KIF5C: variants seen among roughly 807,000 people sequenced by gnomAD.
The protein encoded by KIF5C is kinesin family member 5C, also known as kinesin heavy chain isoform 5C.
Under a neutral mutation model 125.2 loss-of-function variants are expected in KIF5C, and 18 were observed. That is an observed-to-expected ratio of 0.14 (90% CI 0.10 to 0.21). The LOEUF (loss-of-function observed/expected upper bound fraction) is 0.21, where lower values mean the gene tolerates loss of function less well. KIF5C is among the 10% of genes least tolerant of loss of function. The pLI, the probability that KIF5C is intolerant of heterozygous loss-of-function variation, is 1.00. For synonymous variants in KIF5C, 405 were observed against 434.0 expected (o/e 0.93, Z 0.83); for missense variants, 780 against 1,183.8 (o/e 0.66, Z 5.01).
chr2:148,994,968 C>G (rs958812725), intron 17 of KIF5C, among the ~76,000 whole-genome samples: 1 of 152,016 alleles, frequency 6.6e-6, no homozygotes, highest in African/African-American at 2.4e-5. Context: ...CCCAAAAGTA[C>G]AAGAGTCAGC....
At chr2:148,899,932 A>T (rs917858276) in intron 1 of KIF5C, among the ~76,000 whole-genome samples, 1 of 152,096 alleles carries the variant, frequency 6.6e-6, no homozygotes, top group Non-Finnish European at 1.5e-5. Context: ...ATGATTTCAG[A>T]TCTCATGGAA....
At chr2:148,891,597 C>G (rs1272854127) in intron 1 of KIF5C, among the ~76,000 whole-genome samples, 1 of 152,164 alleles carries the variant, frequency 6.6e-6, no homozygotes, top group Non-Finnish European at 1.5e-5. Flanking sequence ...AAGTCATATT[C>G]TTCCTCGCTT....
In KIF5C at chr2:148,876,242, G is replaced by C. The variant is rs1681185973; in HGVS notation, c.126+499G>C. Among the ~76,000 whole-genome samples the C allele has an allele frequency of 6.6e-6, 1 of 151,990 alleles. No homozygotes were observed. Among genetic ancestry groups the C allele is most frequent in the Non-Finnish European group, 1.5e-5 (1 of 67,876 alleles). ...GGGGTACAGGAAAATTTCTAGTCGC[G>C]TCTCGGAGCTCCCGCGGCAGTGTAG... On this transcript the variant is annotated intron_variant, in intron 1 of 25. Coordinates refer to ENST00000435030, the MANE Select transcript of KIF5C (RefSeq NM_004522.3). This position sits in a 1 kb window ranked among gnomAD's most constrained non-coding sequence, Gnocchi z 4.7.
intron 11 of KIF5C, among the ~76,000 whole-genome samples, chr2:148,963,440 A>C (rs575640420): frequency 5.3e-5 from 8 of 152,342 alleles, no homozygotes; most frequent in African/African-American, 1.9e-4. Context: ...GTTTAATAGA[A>C]AAACAATTAC....
At chr2:148,896,298 G>A (rs1249117456) in intron 1 of KIF5C, among the ~76,000 whole-genome samples, 1 of 152,186 alleles carries the variant, frequency 6.6e-6, no homozygotes, top group Non-Finnish European at 1.5e-5. Flanking sequence ...ACATACGTGA[G>A]CTAAGCCTGC....
intron 25 of KIF5C, among the ~76,000 whole-genome samples, chr2:149,013,227 T>C (rs1682263604): frequency 6.6e-6 from 1 of 152,206 alleles, no homozygotes; most frequent in Non-Finnish European, 1.5e-5. Context: ...AAACCTAGCC[T>C]CTTAACTAGG....
At position 148,983,775 on chromosome 2, in the gene KIF5C, G is replaced by T. The variant is rs1681300053; in HGVS notation, c.1716+9G>T. 6.3e-7 allele frequency: 1 copy of T among 1,592,446 alleles called. No individual in the cohort carries two copies. The highest frequency in any genetic ancestry group is 1.3e-5 in the African/African-American group (1 of 74,298). ...CCAATGATGTGAAAACTGTAAGCCA[G>T]CCCTTCTTTTATCCTCTCTACCTGC... On this transcript the variant is annotated intron_variant, in intron 15 of 25. Coordinates refer to ENST00000435030, the MANE Select transcript of KIF5C (RefSeq NM_004522.3).
chr2:148,994,396 A>G, intron 16 of KIF5C, 25 bp from the exon 17 acceptor site: 1 of 1,548,950 alleles, frequency 6.5e-7, no homozygotes. Context: ...CTAGTCATTC[A>G]CTCTTCCTTT....
chr2:148,967,814 A>G (rs186179127), intron 11 of KIF5C, among the ~76,000 whole-genome samples: 20 of 152,158 alleles, frequency 1.3e-4, no homozygotes, highest in Admixed American at 7.2e-4. Context: ...TTAAAGCTCT[A>G]TTGCTTTGTT....
chr2:148,927,068 C>A (rs1170629839), intron 2 of KIF5C, among the ~76,000 whole-genome samples: 1 of 152,338 alleles, frequency 6.6e-6, no homozygotes, highest in African/African-American at 2.4e-5. Context: ...GTCTTGCACG[C>A]TCCTCAGCTC....
chr2:148,971,081 G>A (rs1313430213), intron 11 of KIF5C, among the ~76,000 whole-genome samples: 2 of 152,184 alleles, frequency 1.3e-5, no homozygotes, highest in African/African-American at 4.8e-5. Flanking sequence ...TCAAAAATTA[G>A]AGATACAGTC....
chr2:148,906,044 CA>C (rs970725583), intron 1 of KIF5C, among the ~76,000 whole-genome samples: 21 of 152,062 alleles, frequency 1.4e-4, no homozygotes, highest in African/African-American at 5.1e-4. Flanking sequence ...AGCTACAATT[CA>C]AGATGAAATT....
At chr2:148,914,726 TCCATGCCTTGGG>T (rs1681477096) in intron 1 of KIF5C, among the ~76,000 whole-genome samples, 1 of 152,076 alleles carries the variant, frequency 6.6e-6, no homozygotes, top group African/African-American at 2.4e-5. Context: ...CCAGCTGCTT[TCCATGCCTTGGG>T]GCATGGAGCC....
intron 1 of KIF5C, among the ~76,000 whole-genome samples, chr2:148,900,178 T>C (rs1474633321): frequency 6.6e-6 from 1 of 152,212 alleles, no homozygotes; most frequent in African/African-American, 2.4e-5. Context: ...TCCCCAAAGA[T>C]GTCTCTATTT....
At chr2:148,998,530 A>G in intron 19 of KIF5C, 21 bp downstream of exon 19, 1 of 1,551,750 alleles carries the variant, frequency 6.4e-7, no homozygotes, top group Non-Finnish European at 8.7e-7. Flanking sequence ...CCAGGGCACC[A>G]GGGGTGTGGG....
intron 2 of KIF5C, 126 bp from the exon 3 acceptor site, chr2:148,929,155 T>A (rs1682112736): frequency 3.3e-6 from 2 of 606,658 alleles, no homozygotes; most frequent in East Asian, 2.9e-5. Context: ...CACATGGAGT[T>A]GAAATATATC....
intron 8 of KIF5C, 150 bp from the exon 9 acceptor site, chr2:148,949,689 G>T: frequency 1.8e-6 from 2 of 1,128,768 alleles, no homozygotes; most frequent in East Asian, 2.6e-5. Context: ...ATACACGAAG[G>T]ATGGTTTTTT....
chr2:149,009,001 T>C (rs1395437501), intron 23 of KIF5C, among the ~76,000 whole-genome samples: 3 of 149,748 alleles, frequency 2.0e-5, no homozygotes, highest in Non-Finnish European at 4.5e-5. Flanking sequence ...GTTTTTTTTT[T>C]TTTTTTGAGG....
intron 23 of KIF5C, 37 bp downstream of exon 23, chr2:149,008,104 C>T: frequency 1.3e-6 from 2 of 1,579,992 alleles, no homozygotes; most frequent in East Asian, 2.2e-5. Context: ...TGATTCCCTC[C>T]TCTCTCCTGG....
Sources: allele counts gnomAD v4.1 joint callset (sites outside exome capture counted in the v4.1 genomes callset), GRCh38; gene constraint gnomAD v4.1.1; non-coding constraint Gnocchi (gnomAD v3.1); transcripts MANE v1.5; gene names NCBI Gene and HGNC (gene_info 2026-07-23, HGNC 2026-07-21).